Variants in ZFYVE9 observed in about 807,000 individuals in gnomAD.
The protein encoded by ZFYVE9 is zinc finger FYVE-type containing 9.
In ZFYVE9, 43 loss-of-function variants were observed where a neutral mutation model predicts 126.7. That is an observed-to-expected ratio of 0.34 (90% confidence interval 0.27 to 0.44). The LOEUF (loss-of-function observed/expected upper bound fraction) is 0.44, where lower values mean the gene tolerates loss of function less well. Ranked by LOEUF, ZFYVE9 falls within the 20% of genes least tolerant of loss-of-function variation. The pLI is 1.00. For missense variants in ZFYVE9, 1,476 were observed against 1,697.0 expected (o/e 0.87, Z 2.29); for synonymous variants, 521 against 597.4 (o/e 0.87, Z 1.87).
At chr1:52,167,500 A>G (rs1467585893) in intron 1 of ZFYVE9, among the ~76,000 whole-genome samples, 1 of 152,054 alleles carries the variant, frequency 6.6e-6, no homozygotes, top group African/African-American at 2.4e-5. Context: ...TCGCCTTGGT[A>G]ATGTTCTAGA....
intron 7 of ZFYVE9, among the ~76,000 whole-genome samples, chr1:52,270,547 A>G (rs910236508): frequency 6.6e-6 from 1 of 152,178 alleles, no homozygotes; most frequent in Non-Finnish European, 1.5e-5. Flanking sequence ...TACAGGCGTA[A>G]GCCACCGCGC....
intron 12 of ZFYVE9, among the ~76,000 whole-genome samples, chr1:52,302,576 C>T (rs769100478): frequency 3.3e-5 from 5 of 152,084 alleles, no homozygotes; most frequent in Admixed American, 6.5e-5. Flanking sequence ...CATGGCAAAA[C>T]CCCATCTCTA....
intron 3 of ZFYVE9, 52 bp from the exon 4 acceptor site, chr1:52,237,436 A>G: frequency 6.9e-7 from 1 of 1,451,878 alleles, no homozygotes. Flanking sequence ...CTTAGTCATA[A>G]GCTTTTCCAG....
chr1:52,192,744 A>G lies in ZFYVE9; in HGVS notation c.-142-23625A>G, dbSNP rs1039324032. Among the ~76,000 whole-genome samples the G allele has an allele frequency of 5.9e-5, 9 of 152,320 alleles. No individual in the cohort carries two copies. In the South Asian group the frequency reaches 8.3e-4, roughly 14 times the overall value. On this transcript the variant is annotated intron_variant, in intron 1 of 18. Transcript: ENST00000287727. ...AATGCAAACATCATAACAGAAAAAA[A>G]TGGACAAAGAATTTGAACAGGAGGT...
chr1:52,180,034 A>G, intron 1 of ZFYVE9: 1 of 834,566 alleles, frequency 1.2e-6, no homozygotes, highest in East Asian at 2.4e-5. Flanking sequence ...AATGAGGAGG[A>G]TGAATGTGCT....
intron 7 of ZFYVE9, among the ~76,000 whole-genome samples, chr1:52,272,125 A>AC (rs1230011938): frequency 6.6e-6 from 1 of 152,198 alleles, no homozygotes; most frequent in Non-Finnish European, 1.5e-5. Flanking sequence ...GGCATGAGCC[A>AC]CCATGTCCAG....
intron 13 of ZFYVE9, among the ~76,000 whole-genome samples, chr1:52,308,895 G>A (rs1293342162): frequency 1.3e-5 from 2 of 152,156 alleles, no homozygotes; most frequent in African/African-American, 4.8e-5. Context: ...ACCCTAGTAC[G>A]GAGTGGGTTA....
intron 4 of ZFYVE9, among the ~76,000 whole-genome samples, chr1:52,241,552 GT>G (rs974455922): frequency 2.0e-5 from 3 of 152,036 alleles, no homozygotes; most frequent in African/African-American, 7.2e-5. Flanking sequence ...GAGTAAATAG[GT>G]ACCTTAGATG....
intron 13 of ZFYVE9, among the ~76,000 whole-genome samples, chr1:52,311,979 C>T (rs199772149): frequency 2.6e-5 from 4 of 151,728 alleles, no homozygotes; most frequent in African/African-American, 9.7e-5. Flanking sequence ...TTAGTAGAGA[C>T]GGGGTTTTGC....
At chr1:52,327,236 A>G (rs779684422) in intron 13 of ZFYVE9, among the ~76,000 whole-genome samples, 1 of 152,162 alleles carries the variant, frequency 6.6e-6, no homozygotes, top group Non-Finnish European at 1.5e-5. Context: ...ATGGCATATA[A>G]AAAGTACAGA....
chr1:52,162,705 C>A, intron 1 of ZFYVE9: 1 of 299,158 alleles, frequency 3.3e-6, no homozygotes, highest in South Asian at 5.5e-5. Flanking sequence ...GCCAGTGTGT[C>A]TTCTCTGGTT....
At chr1:52,149,549 A>G (rs1447633062) in intron 1 of ZFYVE9, among the ~76,000 whole-genome samples, 1 of 151,446 alleles carries the variant, frequency 6.6e-6, no homozygotes, top group Non-Finnish European at 1.5e-5. Context: ...GTTACCTCTC[A>G]ATGATACATA....
chr1:52,238,542 T>C lies in ZFYVE9; in HGVS notation c.1125T>C (p.Tyr375=). The C allele has an allele frequency of 6.2e-7, 1 of 1,614,084 alleles. No homozygotes were observed. Among genetic ancestry groups the C allele is most frequent in the Non-Finnish European group, 8.5e-7 (1 of 1,179,954 alleles). Residue 375 remains tyrosine, a synonymous_variant, in exon 4 of 19, where the codon TAT becomes TAC. Coordinates refer to ENST00000287727, the MANE Select transcript of ZFYVE9 (RefSeq NM_004799.4). ...TTAGGGCTGATGAAAATGAAGGTTA[T>C]GAACATGAAGAAACTCTTGGCACTA... is the stretch of plus-strand genomic sequence containing the variant. The part of the protein sequence containing the change: ...NEVRADENEG[Y]EHEETLGTTE...
chr1:52,217,877 T>A (rs974663392), intron 2 of ZFYVE9, among the ~76,000 whole-genome samples: 1 of 152,216 alleles, frequency 6.6e-6, no homozygotes, highest in Non-Finnish European at 1.5e-5. Flanking sequence ...TGTCAAGGGT[T>A]ATTCTGTTTT....
At chr1:52,342,537 CTTTTT>C (rs11327271) in intron 17 of ZFYVE9, among the ~76,000 whole-genome samples, 2 of 127,450 alleles carry the variant, frequency 1.6e-5, no homozygotes, top group African/African-American at 5.9e-5. Context: ...CCCAAAGTGC[CTTTTT>C]TTTTTTTTTT....
At chr1:52,264,317 G>A (rs1645612428) in intron 5 of ZFYVE9, among the ~76,000 whole-genome samples, 1 of 152,118 alleles carries the variant, frequency 6.6e-6, no homozygotes, top group Non-Finnish European at 1.5e-5. Context: ...CATTCATCTT[G>A]TTGAAGATAA....
intron 13 of ZFYVE9, among the ~76,000 whole-genome samples, chr1:52,311,715 A>G (rs773511024): frequency 1.3e-5 from 2 of 152,218 alleles, no homozygotes; most frequent in Non-Finnish European, 2.9e-5. Flanking sequence ...ATAATTGTAC[A>G]TAAATTGTAT....
chr1:52,302,813 A>G (rs1233532629), intron 12 of ZFYVE9, among the ~76,000 whole-genome samples: 1 of 151,854 alleles, frequency 6.6e-6, no homozygotes, highest in East Asian at 1.9e-4. Flanking sequence ...TCACTTTTTA[A>G]ACTGTTAACA....
chr1:52,245,520 A>C (rs878919441), intron 4 of ZFYVE9, among the ~76,000 whole-genome samples: 1 of 152,218 alleles, frequency 6.6e-6, no homozygotes, highest in Non-Finnish European at 1.5e-5. Context: ...AACCCTATGA[A>C]GTAGCTAGCT....
Sources: gnomAD v4.1 joint callset for allele counts (sites outside exome capture counted in the v4.1 genomes callset) on GRCh38, gnomAD v4.1.1 for gene constraint, MANE v1.5 for transcripts, NCBI Gene and HGNC (gene_info 2026-07-23, HGNC 2026-07-21) for gene names.